TMEM204: variants seen among roughly 807,000 people sequenced by gnomAD.
The protein encoded by TMEM204 is claudin-like protein 24.
TMEM204 carries 15 observed loss-of-function variants against 19.4 expected under a neutral mutation model. The observed-to-expected ratio is 0.77, with a 90% CI of 0.52 to 1.19. TMEM204 has a LOEUF of 1.19. Ranked by LOEUF, TMEM204 falls within the 50% of genes most tolerant of loss-of-function variation. TMEM204 has a pLI of 0.00. For synonymous variants in TMEM204, 161 were observed against 146.0 expected (o/e 1.10, Z -0.74); for missense variants, 287 against 321.2 (o/e 0.89, Z 0.81).
At chr16:1,544,162 C>T (rs1181235116) in intron 2 of TMEM204, among the ~76,000 whole-genome samples, 1 of 139,098 alleles carries the variant, frequency 7.2e-6, no homozygotes, top group African/African-American at 2.5e-5. Flanking sequence ...GGATTGCAGG[C>T]ACCTGCCACC....
chr16:1,546,267 C>T (rs1326635369), intron 2 of TMEM204, among the ~76,000 whole-genome samples: 3 of 152,226 alleles, frequency 2.0e-5, no homozygotes, highest in Admixed American at 6.5e-5. Flanking sequence ...GCGACTTCTG[C>T]AGGCAGCCTA....
At chr16:1,537,317 C>G (rs2031176884) in intron 1 of TMEM204, among the ~76,000 whole-genome samples, 2 of 152,244 alleles carry the variant, frequency 1.3e-5, no homozygotes, top group Non-Finnish European at 2.9e-5. Context: ...GCGTGGATGT[C>G]TCCGGACGGC....
rs887143907 is a variant in TMEM204 at position 1,551,491 on chromosome 16, C to T, written c.437-3291C>T. 6.6e-6 allele frequency among the ~76,000 whole-genome samples: 1 copy of T among 152,140 alleles called. No homozygotes were observed. Among genetic ancestry groups the T allele is most frequent in the Admixed American group, 6.5e-5 (1 of 15,270 alleles). ...GCAGGTAGCAGGGGAGACCCTAAGGCGATGGGAGCCACAAGGGTGCTGAGT... is the reference window on the plus strand; with the variant it reads ...GCAGGTAGCAGGGGAGACCCTAAGGTGATGGGAGCCACAAGGGTGCTGAGT... On this transcript the variant is annotated intron_variant, in intron 2 of 2. Coordinates refer to ENST00000566264, the MANE Select transcript of TMEM204 (RefSeq NM_024600.6). This position sits in a 1 kb window ranked among gnomAD's most constrained non-coding sequence, Gnocchi z 4.0.
Position 1,555,318 on chromosome 16 carries a change from G to T in TMEM204, c.*292G>T. On this transcript the variant is annotated 3_prime_UTR_variant, in exon 3 of 3. Coordinates refer to ENST00000566264, the MANE Select transcript of TMEM204 (RefSeq NM_024600.6). ...AAGCTGGAAGCTGAGACACAGGTTA[G>T]GTGGCGCGAGGCTGCCCTGCGCTCC... is the stretch of plus-strand genomic sequence containing the variant. 1 of 417,364 alleles carries T rather than the reference G, an allele frequency of 2.4e-6. No homozygotes were observed. Among genetic ancestry groups the T allele is most frequent in the Non-Finnish European group, 4.3e-6 (1 of 230,390 alleles). The allele number at this position is 417,364 out of a possible 1,614,324, so 25.9% of individuals were successfully genotyped here.
rs1395799651 is a variant in TMEM204, at chr16:1,555,199, A to G, written c.*173A>G. On this transcript the variant is annotated 3_prime_UTR_variant, in exon 3 of 3. Transcript: ENST00000566264. ...GTGTGCGTTTACTGTTATGTCGGTCATATGTCTGTACGTGTCGTGGGCCAA... is the reference window on the plus strand; with the variant it reads ...GTGTGCGTTTACTGTTATGTCGGTCGTATGTCTGTACGTGTCGTGGGCCAA... The G allele has an allele frequency of 7.2e-6, 6 of 829,262 alleles. No individual in the cohort carries two copies. The highest frequency in any genetic ancestry group is 1.7e-5 in the African/African-American group (1 of 57,890). 51.4% of individuals were successfully genotyped at this position (829,262 alleles called of 1,614,324 possible).
chr16:1,534,281 C>T lies in TMEM204; in HGVS notation c.6C>T (p.Thr2=), dbSNP rs780155461. The change falls in exon 1 of 3, where the codon ACC becomes ACT. Residue 2 remains threonine (T), a synonymous_variant. Transcript: ENST00000566264. The part of the protein sequence containing the change: M[T]VQRLVAAAVL... ...CGGCGGCACCGGCGTCAGCGATGAC[C>T]GTGCAGAGACTCGTGGCCGCGGCCG... 39 of 1,611,928 alleles carry T rather than the reference C, an allele frequency of 2.4e-5. No homozygotes were observed. The highest frequency in any genetic ancestry group is 1.1e-4 in the South Asian group (10 of 91,064).
intron 2 of TMEM204, among the ~76,000 whole-genome samples, chr16:1,545,833 C>A (rs1423690662): frequency 6.6e-6 from 1 of 152,238 alleles, no homozygotes; most frequent in Non-Finnish European, 1.5e-5. Context: ...TGTTTCTGGG[C>A]TCAGTGCCAT....
At position 1,551,212 on chromosome 16, in the gene TMEM204, C is replaced by T. The variant is rs557114525; in HGVS notation, c.437-3570C>T. Reference sequence around the variant, plus strand: ...TCAATGGTGGGGCAAGTTCTGGCCCCGGGGAGCCTGCCCTGTGGCGGGGGA... The same window carrying T: ...TCAATGGTGGGGCAAGTTCTGGCCCTGGGGAGCCTGCCCTGTGGCGGGGGA... On this transcript the variant is annotated intron_variant, in intron 2 of 2. Transcript: ENST00000566264. This position sits in a 1 kb window ranked among gnomAD's most constrained non-coding sequence, Gnocchi z 4.0. Among the ~76,000 whole-genome samples the T allele has an allele frequency of 2.0e-5, 3 of 152,354 alleles. No homozygotes were observed. Among genetic ancestry groups the T allele is most frequent in the East Asian group, 1.9e-4 (1 of 5,190 alleles).
chr16:1,542,217 C>G (rs1031648553), intron 2 of TMEM204, 141 bp downstream of exon 2: 17 of 894,848 alleles, frequency 1.9e-5, no homozygotes, highest in Admixed American at 9.9e-5. Context: ...CACTGAGAAG[C>G]CCCATGGGGC....
chr16:1,537,064 A>T (rs2031146365), intron 1 of TMEM204, among the ~76,000 whole-genome samples: 1 of 152,170 alleles, frequency 6.6e-6, no homozygotes, highest in African/African-American at 2.4e-5. Flanking sequence ...TGCCTTGGCC[A>T]GTGTTCCTTG....
At chr16:1,549,017 C>A (rs1012382095) in intron 2 of TMEM204, among the ~76,000 whole-genome samples, 1 of 152,244 alleles carries the variant, frequency 6.6e-6, no homozygotes, top group East Asian at 1.9e-4. Flanking sequence ...CCACCTGGCG[C>A]TCTCCAGCAG....
chr16:1,553,224 CCATCTGTCTCTG>C lies in TMEM204; in HGVS notation c.437-1557_437-1546del, dbSNP rs371572679. 323 of 979,388 alleles carry C rather than the reference CCATCTGTCTCTG, an allele frequency of 3.3e-4. 1 individual carries two copies. In the African/African-American group the frequency reaches 5.1e-3, roughly 15 times the overall value. The allele number at this position is 979,388 out of a possible 1,614,324, so 60.7% of individuals were successfully genotyped here. A position where few individuals can be genotyped will look rare whatever the true frequency, so the allele number is the denominator to read the frequency against. On this transcript the variant is annotated intron_variant, in intron 2 of 2. Coordinates refer to ENST00000566264, the MANE Select transcript of TMEM204 (RefSeq NM_024600.6). This position sits in a 1 kb window ranked among gnomAD's most constrained non-coding sequence, Gnocchi z 4.4. ...TCTCTGTCTCTGTCTCTCTCTGTCTCCATCTGTCTCTGTGTCTGTCTCTGTCTCTCTGTATCT... is the reference window on the plus strand; with the variant it reads ...TCTCTGTCTCTGTCTCTCTCTGTCTCTGTCTGTCTCTGTCTCTCTGTATCT...
upstream of TMEM204, among the ~76,000 whole-genome samples, chr16:1,530,192 G>A (rs2030316355): frequency 7.4e-6 from 1 of 135,762 alleles, no homozygotes; most frequent in East Asian, 2.2e-4. Context: ...AGGCTGGAGT[G>A]TGGTGGCACG....
Position 1,533,949 on chromosome 16 carries a change from C to T in TMEM204, c.-327C>T, listed in dbSNP as rs1317917390. 2.0e-5 allele frequency: 8 copies of T among 395,846 alleles called. No individual in the cohort carries two copies. The East Asian group carries it at 2.3e-4, about 11-fold the overall frequency. The allele number at this position is 395,846 out of a possible 1,614,324, so 24.5% of individuals were successfully genotyped here. ...ACTGCTGCAGGCGAGAAGAGGCACG[C>T]GCGGCACAGGCCGGCCTCCGCTTCC... On this transcript the variant is annotated 5_prime_UTR_variant, in exon 1 of 3. Coordinates refer to ENST00000566264, the MANE Select transcript of TMEM204 (RefSeq NM_024600.6). The surrounding 1 kb of genome is among the most constrained non-coding windows in gnomAD (Gnocchi z 4.7).
rs528100414 is a variant in TMEM204, at chr16:1,541,973, C to T, written c.333C>T (p.Thr111=). ...ACCTGGTGGCCACGGCCGCGCTCAC[C>T]GCAGGCCAGCTCACCTTCCTCCTGG... ...ACNLVATAAL[T]AGQLTFLLGL... Residue 111 remains threonine, a synonymous_variant, in exon 2 of 3, where the codon ACC becomes ACT. Coordinates refer to ENST00000566264, the MANE Select transcript of TMEM204 (RefSeq NM_024600.6). 3.4e-5 allele frequency: 54 copies of T among 1,610,930 alleles called. No homozygotes were observed. Among genetic ancestry groups the T allele is most frequent in the East Asian group, 4.5e-5 (2 of 44,856 alleles).
chr16:1,541,868 G>A, intron 1 of TMEM204, 53 bp from the exon 2 acceptor site: 1 of 1,500,076 alleles, frequency 6.7e-7, no homozygotes, highest in Non-Finnish European at 8.9e-7. Context: ...CGGCTGGCGT[G>A]GCCTCTGGAG....
At position 1,555,184 on chromosome 16, in the gene TMEM204, AC is replaced by A. The variant is rs2032992704; in HGVS notation, c.*159del. The A allele has an allele frequency of 5.5e-6, 5 of 906,898 alleles. No homozygotes were observed. The East Asian group carries it at 1.3e-4, about 24-fold the overall frequency. 56.2% of individuals were successfully genotyped at this position (906,898 alleles called of 1,614,324 possible). A position where few individuals can be genotyped will look rare whatever the true frequency, so the allele number is the denominator to read the frequency against. On this transcript the variant is annotated 3_prime_UTR_variant, in exon 3 of 3. Transcript: ENST00000566264. The stretch of plus-strand genomic sequence containing the variant: ...ATGCGTGCGAGACACGTGTGCGTTT[AC>A]TGTTATGTCGGTCATATGTCTGTAC...
In TMEM204 at chr16:1,554,855, C is replaced by T; in HGVS notation, c.510C>T (p.Tyr170=). ...ACACCAACCTGTCCTGGTCCTGCTA[C>T]CTGAACATTGGCGCCTGCCTTCTGG... ...GPYTNLSWSC[Y]LNIGACLLAT... Residue 170 remains tyrosine, a synonymous_variant, in exon 3 of 3, where the codon TAC becomes TAT. Coordinates refer to ENST00000566264, the MANE Select transcript of TMEM204 (RefSeq NM_024600.6). 6.2e-7 allele frequency: 1 copy of T among 1,614,220 alleles called. No homozygotes were observed. The highest frequency in any genetic ancestry group is 8.5e-7 in the Non-Finnish European group (1 of 1,180,048).
In TMEM204 at chr16:1,534,210, C is replaced by T; in HGVS notation, c.-66C>T. 2.5e-6 allele frequency: 4 copies of T among 1,589,652 alleles called. No individual in the cohort carries two copies. The highest frequency in any genetic ancestry group is 3.4e-6 in the Non-Finnish European group (4 of 1,175,170). ...GCCACCCCTAGCAGCGTCGGCTCTC[C>T]CTGGACGTGCGGCCGCGGACTGGGA... On this transcript the variant is annotated 5_prime_UTR_variant, in exon 1 of 3. Transcript: ENST00000566264.
Sources: gnomAD v4.1 joint callset for allele counts (sites outside exome capture counted in the v4.1 genomes callset) on GRCh38, gnomAD v4.1.1 for gene constraint, Gnocchi (gnomAD v3.1) non-coding constraint, MANE v1.5 for transcripts, NCBI Gene and HGNC (gene_info 2026-07-23, HGNC 2026-07-21) for gene names.